The following PCDHGB1 variants were observed in gnomAD, a reference collection of about 807,000 sequenced individuals.
PCDHGB1 encodes protocadherin gamma-B1.
Under a neutral mutation model 56.6 loss-of-function variants are expected in PCDHGB1, and 34 were observed. The observed-to-expected ratio is 0.60, with a 90% CI of 0.46 to 0.80. The LOEUF is 0.80. Ranked by LOEUF, PCDHGB1 falls within the 30% of genes least tolerant of loss-of-function variation. The pLI is 0.00. For synonymous variants in PCDHGB1, 561 were observed against 505.9 expected (o/e 1.11, Z -1.46); for missense variants, 1,278 against 1,204.6 (o/e 1.06, Z -0.90).
chr5:141,394,627 C>T (rs563086120), intron 1 of PCDHGB1: 2 of 1,613,412 alleles, frequency 1.2e-6, no homozygotes, highest in East Asian at 2.2e-5. Context: ...GCCTGGCTGT[C>T]CTACCGCCTG....
At chr5:141,458,803 G>A (rs2098953701) in intron 1 of PCDHGB1, among the ~76,000 whole-genome samples, 2 of 152,130 alleles carry the variant, frequency 1.3e-5, no homozygotes, top group African/African-American at 4.8e-5. Flanking sequence ...TGTGATCTCA[G>A]CTCACTGCAA....
intron 1 of PCDHGB1, chr5:141,370,230 C>T (rs1002647727): frequency 3.7e-5 from 22 of 587,906 alleles, no homozygotes; most frequent in African/African-American, 5.6e-5. Context: ...GCAGCCAGCT[C>T]GGAAGAAAAG....
intron 1 of PCDHGB1, among the ~76,000 whole-genome samples, chr5:141,401,929 G>C (rs2094209014): frequency 6.6e-6 from 1 of 152,122 alleles, no homozygotes; most frequent in Non-Finnish European, 1.5e-5. Context: ...GTGATGCTTA[G>C]AATAATGTTT....
chr5:141,371,262 C>T (rs368232567), intron 1 of PCDHGB1: 3 of 1,613,880 alleles, frequency 1.9e-6, no homozygotes, highest in Non-Finnish European at 2.5e-6. Flanking sequence ...GGAAGTGAGA[C>T]AACTGTTCAA....
At position 141,486,671 on chromosome 5, in the gene PCDHGB1, C is replaced by G. The variant is rs1307620045; in HGVS notation, c.2410-8136C>G. 24 of 1,613,926 alleles carry G rather than the reference C, an allele frequency of 1.5e-5. No homozygotes were observed. The highest frequency in any genetic ancestry group is 2.7e-5 in the African/African-American group (2 of 74,932). Reference sequence around the variant, plus strand: ...CTACTCACTCCTGGAGCCCAGGAATCGAGATGTATCAGCTTCCTCTTTCAT... The same window carrying G: ...CTACTCACTCCTGGAGCCCAGGAATGGAGATGTATCAGCTTCCTCTTTCAT... On this transcript the variant is annotated intron_variant, in intron 1 of 3. Transcript: ENST00000523390. The surrounding 1 kb of genome is among the most constrained non-coding windows in gnomAD (Gnocchi z 5.0).
rs1213887165 is a variant in PCDHGB1 at position 141,351,278 on chromosome 5, G to A, written c.1018G>A (p.Ala340Thr). ...AGAAATTGTTGACGAGAATGACAAT[G>A]CCCCAGAGGTGACATTCATGTCCTT... ...QIEIVDENDN[A>T]PEVTFMSFSN... Residue 340 changes from alanine to threonine, a missense_variant, in exon 1 of 4, where the codon GCC becomes ACC. Transcript: ENST00000523390. 6.2e-7 allele frequency: 1 copy of A among 1,613,824 alleles called. No homozygotes were observed. The highest frequency in any genetic ancestry group is 1.7e-5 in the Admixed American group (1 of 60,030).
chr5:141,472,980 C>CAAAAAAAAAAAAAAAAAAAAA (rs60579131), intron 1 of PCDHGB1, among the ~76,000 whole-genome samples: 3 of 86,094 alleles, frequency 3.5e-5, no homozygotes, highest in Non-Finnish European at 5.0e-5. Context: ...GAGTGAAACT[C>CAAAAAAAAAAAAAAAAAAAAA]AAAAAAAAAA....
chr5:141,357,514 C>A (rs563793307), intron 1 of PCDHGB1: 1 of 1,614,254 alleles, frequency 6.2e-7, no homozygotes, highest in South Asian at 1.1e-5. Flanking sequence ...GATCTTCTCC[C>A]AACCCAGCTA....
chr5:141,422,908 C>G, intron 1 of PCDHGB1: 1 of 1,614,244 alleles, frequency 6.2e-7, no homozygotes, highest in Non-Finnish European at 8.5e-7. Flanking sequence ...CGACAATGCG[C>G]CCGAGATCCT....
intron 1 of PCDHGB1, chr5:141,366,358 C>T (rs746214325): frequency 6.2e-7 from 1 of 1,614,016 alleles, no homozygotes; most frequent in South Asian, 1.1e-5. Context: ...CTGACCTAGG[C>T]AGTATCAAGA....
chr5:141,399,309 C>CA (rs1033550021), intron 1 of PCDHGB1: 6 of 1,613,784 alleles, frequency 3.7e-6, no homozygotes, highest in African/African-American at 1.3e-5. Context: ...TCTCTTCATC[C>CA]AAAAATTCGT....
At chr5:141,399,037 G>A (rs756325508) in intron 1 of PCDHGB1, 2 of 1,613,856 alleles carry the variant, frequency 1.2e-6, no homozygotes, top group African/African-American at 2.7e-5. Context: ...AAAGAAACTG[G>A]ATTTTGAAGA....
rs769671283 is a variant in PCDHGB1, at chr5:141,511,391, C to T, written c.*218C>T. On this transcript the variant is annotated 3_prime_UTR_variant, in exon 4 of 4. Transcript: ENST00000523390. Reference sequence around the variant, plus strand: ...TGCAAAAGCAGTTCCGCTGGGAACCCCCATCCAATCAACTGCTGTACCCAT... The same window carrying T: ...TGCAAAAGCAGTTCCGCTGGGAACCTCCATCCAATCAACTGCTGTACCCAT... The T allele has an allele frequency of 6.4e-5, 69 of 1,079,630 alleles. No individual in the cohort carries two copies. The highest frequency in any genetic ancestry group is 1.5e-4 in the Admixed American group (5 of 34,354). 66.9% of individuals were successfully genotyped at this position (1,079,630 alleles called of 1,614,324 possible). A position where few individuals can be genotyped will look rare whatever the true frequency, so the allele number is the denominator to read the frequency against.
intron 1 of PCDHGB1, chr5:141,414,081 T>G: frequency 6.2e-7 from 1 of 1,601,774 alleles, no homozygotes; most frequent in Non-Finnish European, 8.5e-7. Context: ...ACAAATATAC[T>G]GGAGAAATAA....
chr5:141,503,598 CAAAA>C (rs765754054), intron 2 of PCDHGB1, among the ~76,000 whole-genome samples: 2 of 65,756 alleles, frequency 3.0e-5, no homozygotes. Flanking sequence ...GACTCCAGCT[CAAAA>C]AAAAAAAAAA....
intron 1 of PCDHGB1, chr5:141,388,676 G>T: frequency 7.4e-6 from 12 of 1,613,944 alleles, no homozygotes; most frequent in Non-Finnish European, 1.0e-5. Context: ...TGCTACAGGT[G>T]ACTGCCACGG....
intron 2 of PCDHGB1, among the ~76,000 whole-genome samples, chr5:141,498,944 A>G (rs1249475504): frequency 7.2e-6 from 1 of 139,096 alleles, no homozygotes; most frequent in Non-Finnish European, 1.6e-5. Flanking sequence ...AAAGAAAGAA[A>G]GAAAAAGAGA....
Position 141,477,609 on chromosome 5 carries a change from A to T in PCDHGB1, c.2410-17198A>T, listed in dbSNP as rs775454070. The T allele has an allele frequency of 6.2e-7, 1 of 1,614,192 alleles. No homozygotes were observed. The highest frequency in any genetic ancestry group is 1.1e-5 in the South Asian group (1 of 91,082). ...GCTCGGCTTTCTTTCTTTCTCTTGG[A>T]GCAAGGAGCTGAAACCGGGCTAGTG... On this transcript the variant is annotated intron_variant, in intron 1 of 3. Transcript: ENST00000523390. The surrounding 1 kb of genome is among the most constrained non-coding windows in gnomAD (Gnocchi z 4.9).
intron 1 of PCDHGB1, among the ~76,000 whole-genome samples, chr5:141,483,945 ATTGTG>A (rs2099589210): frequency 8.3e-6 from 1 of 120,394 alleles, no homozygotes; most frequent in Non-Finnish European, 1.6e-5. Context: ...TACGGTGTGA[ATTGTG>A]TTGTGTTTCT....
Sources: gnomAD v4.1 joint callset for allele counts (sites outside exome capture counted in the v4.1 genomes callset) on GRCh38, gnomAD v4.1.1 for gene constraint, Gnocchi (gnomAD v3.1) non-coding constraint, MANE v1.5 for transcripts, NCBI Gene and HGNC (gene_info 2026-07-23, HGNC 2026-07-21) for gene names.